EXPH5: variants seen among roughly 807,000 people sequenced by gnomAD.
EXPH5 encodes exophilin 5.
A neutral mutation model predicts 41.1 loss-of-function variants in EXPH5; 42 were observed. That is an observed-to-expected ratio of 1.02 (90% CI 0.80 to 1.32). EXPH5 has a LOEUF of 1.32. EXPH5 is among the 40% of genes most tolerant of loss of function. EXPH5 has a pLI of 0.00. For missense variants in EXPH5, 2,298 were observed against 2,314.5 expected (o/e 0.99, Z 0.15); for synonymous variants, 798 against 833.5 (o/e 0.96, Z 0.73).
chr11:108,587,629 C>A (rs2094117123), intron 1 of EXPH5, among the ~76,000 whole-genome samples: 2 of 152,170 alleles, frequency 1.3e-5, no homozygotes, highest in Non-Finnish European at 2.9e-5. Flanking sequence ...TTTACCCTTA[C>A]AAGTTATTTA....
Position 108,511,938 on chromosome 11 carries a change from T to A in EXPH5, c.3569A>T (p.Glu1190Val). Residue 1190 changes from glutamate (E) to valine (V), a missense_variant, in exon 6 of 6, where the codon GAG (glutamate) becomes GTG (valine). Coordinates refer to ENST00000265843, the MANE Select transcript of EXPH5 (RefSeq NM_015065.3). ...HQKENFQEYTEKEGKMAASRR... is the reference protein window; with the variant it reads ...HQKENFQEYTVKEGKMAASRR... ...GGAGGCAGCCATTTTACCCTCTTTC[T>A]CAGTGTATTCTTGGAAGTTTTCCTT... 1 of 1,600,786 alleles carries A rather than the reference T, an allele frequency of 6.2e-7. No individual in the cohort carries two copies. Among genetic ancestry groups the A allele is most frequent in the South Asian group, 1.1e-5 (1 of 88,126 alleles).
At chr11:108,545,147 C>A (rs1197665843) in intron 1 of EXPH5, among the ~76,000 whole-genome samples, 1 of 152,144 alleles carries the variant, frequency 6.6e-6, no homozygotes, top group African/African-American at 2.4e-5. Flanking sequence ...GGCATGGTGG[C>A]TCACACCAGT....
At chr11:108,570,401 C>A (rs1301087474) in intron 1 of EXPH5, among the ~76,000 whole-genome samples, 1 of 152,070 alleles carries the variant, frequency 6.6e-6, no homozygotes, top group Non-Finnish European at 1.5e-5. Flanking sequence ...ATCACAGGCA[C>A]ATGCCACCAT....
chr11:108,532,120 A>G (rs1476228316), intron 3 of EXPH5, among the ~76,000 whole-genome samples: 1 of 150,742 alleles, frequency 6.6e-6, no homozygotes, highest in Admixed American at 6.6e-5. Context: ...AAAGCCCTGT[A>G]TGATCTAGTT....
In EXPH5 at chr11:108,512,548, T is replaced by G. The variant is rs1408764544; in HGVS notation, c.2959A>C (p.Ser987Arg). The G allele has an allele frequency of 6.2e-7, 1 of 1,612,190 alleles. No individual in the cohort carries two copies. Among genetic ancestry groups the G allele is most frequent in the Non-Finnish European group, 8.5e-7 (1 of 1,179,630 alleles). Residue 987 changes from serine to arginine, a missense_variant, in exon 6 of 6, where the codon AGC becomes CGC. Physicochemically the swap from Ser to Arg is moderately radical, Grantham distance 110 (BLOSUM62 -1). Coordinates refer to ENST00000265843, the MANE Select transcript of EXPH5 (RefSeq NM_015065.3). ...GGTACTGATATACTTTCTGTTTTGC[T>G]TAACTTTTCAATACAGGATATATGA... The part of the protein sequence containing the change: ...RHHISCIEKL[S>R]KTESISVPTS...
intron 1 of EXPH5, among the ~76,000 whole-genome samples, chr11:108,554,357 C>A (rs2093981324): frequency 6.6e-6 from 1 of 152,130 alleles, no homozygotes; most frequent in African/African-American, 2.4e-5. Flanking sequence ...GCCCAGCCGC[C>A]CTGAACTTTA....
rs373691772 is a variant in EXPH5 at position 108,509,771 on chromosome 11, T to G, written c.5736A>C (p.Lys1912Asn). Reference protein sequence around the residue: ...KRSLTQGRLWKPSFLKNPGFL... With the variant: ...KRSLTQGRLWNPSFLKNPGFL... Reference sequence around the variant, plus strand: ...AGCCAGGGTTCTTAAGAAAACTTGGTTTCCATAATCTTCCTTGTGTAAGTG... The same window carrying G: ...AGCCAGGGTTCTTAAGAAAACTTGGGTTCCATAATCTTCCTTGTGTAAGTG... Residue 1912 changes from lysine to asparagine, a missense_variant, in exon 6 of 6, where the codon AAA (lysine) becomes AAC (asparagine). Lys to Asn is a moderately conservative substitution (Grantham distance 94). Transcript: ENST00000265843. 6.2e-7 allele frequency: 1 copy of G among 1,607,352 alleles called. No homozygotes were observed. The highest frequency in any genetic ancestry group is 1.3e-5 in the African/African-American group (1 of 74,348).
intron 1 of EXPH5, among the ~76,000 whole-genome samples, chr11:108,576,409 AG>A (rs1478867228): frequency 6.6e-6 from 1 of 152,148 alleles, no homozygotes; most frequent in Non-Finnish European, 1.5e-5. Flanking sequence ...GGGAATGAAG[AG>A]TAACTGTTTA....
At chr11:108,534,011 T>C (rs1284369445) in intron 3 of EXPH5, among the ~76,000 whole-genome samples, 5 of 152,136 alleles carry the variant, frequency 3.3e-5, no homozygotes, top group African/African-American at 7.2e-5. Context: ...ACCAGGCTAA[T>C]TTCAAACTCT....
Position 108,507,638 on chromosome 11 carries a change from G to A in EXPH5, c.*1899C>T, listed in dbSNP as rs1426339444. 6.6e-6 allele frequency: 1 copy of A among 152,084 alleles called. No individual in the cohort carries two copies. Among genetic ancestry groups the A allele is most frequent in the Non-Finnish European group, 1.5e-5 (1 of 68,010 alleles). 9.4% of individuals were successfully genotyped at this position (152,084 alleles called of 1,614,324 possible). A position where few individuals can be genotyped will look rare whatever the true frequency, so the allele number is the denominator to read the frequency against. ...GTTAGGAAAGCCAAAATATCAGTGG[G>A]TATCATAAGTGATTTACTCTAGATA... On this transcript the variant is annotated 3_prime_UTR_variant, in exon 6 of 6. Coordinates refer to ENST00000265843, the MANE Select transcript of EXPH5 (RefSeq NM_015065.3).
At chr11:108,584,420 T>C (rs1263249263) in intron 1 of EXPH5, among the ~76,000 whole-genome samples, 1 of 151,856 alleles carries the variant, frequency 6.6e-6, no homozygotes, top group Non-Finnish European at 1.5e-5. Context: ...GGAGGTTGCA[T>C]TGAGCCAAGA....
chr11:108,593,830 CTCCCTCGTCCCCTCCCTCGTCTCGTCCCG>C (rs1238074187), upstream of EXPH5: 29 of 1,281,708 alleles, frequency 2.3e-5, no homozygotes, highest in Middle Eastern at 1.8e-4. Flanking sequence ...CCCTTGTCCC[CTCCCTCGTCCCCTCCCTCGTCTCGTCCCG>C]TCCCTCGTCC....
At position 108,593,661 on chromosome 11, in the gene EXPH5, T is replaced by C. The variant is rs139303787; in HGVS notation, c.-125A>G. ...ACAGCCAATAATAAGTCCGCCCCTT[T>C]GAAAGTCTAAAACCACAAACCTAGG... On this transcript the variant is annotated 5_prime_UTR_variant, in exon 1 of 6. Transcript: ENST00000265843. 5.0e-5 allele frequency: 78 copies of C among 1,574,858 alleles called. No individual in the cohort carries two copies. In the African/African-American group the frequency reaches 8.5e-4, roughly 17 times the overall value.
Position 108,513,575 on chromosome 11 carries a change from G to C in EXPH5, c.1932C>G (p.Pro644=). Residue 644 remains proline, a synonymous_variant, in exon 6 of 6, where the codon CCC becomes CCG. Coordinates refer to ENST00000265843, the MANE Select transcript of EXPH5 (RefSeq NM_015065.3). The stretch of plus-strand genomic sequence containing the variant: ...AAGTGACTGTGGGATTCTGCAAGTT[G>C]GGACTCTGAGGATTCCTTCTGTCAT... ...ISDDRRNPQS[P]NLQNPTVTLQ... is the part of the protein sequence containing the mutation. 1 of 1,614,100 alleles carries C rather than the reference G, an allele frequency of 6.2e-7. No homozygotes were observed. Among genetic ancestry groups the C allele is most frequent in the Non-Finnish European group, 8.5e-7 (1 of 1,180,026 alleles).
intron 1 of EXPH5, among the ~76,000 whole-genome samples, chr11:108,561,602 A>C (rs539303955): frequency 1.3e-5 from 2 of 152,236 alleles, no homozygotes; most frequent in Admixed American, 6.5e-5. Flanking sequence ...CATTTTTTGC[A>C]TTCCTACCCT....
At chr11:108,538,628 A>G (rs1257291720) in intron 3 of EXPH5, among the ~76,000 whole-genome samples, 1 of 152,052 alleles carries the variant, frequency 6.6e-6, no homozygotes, top group Non-Finnish European at 1.5e-5. Context: ...AACTCTCCTT[A>G]TGACCAGGAC....
chr11:108,557,643 T>A (rs913043793), intron 1 of EXPH5, among the ~76,000 whole-genome samples: 15 of 151,910 alleles, frequency 9.9e-5, no homozygotes, highest in African/African-American at 3.4e-4. Context: ...CCACTGCGCC[T>A]GGCCCTGGTT....
At chr11:108,567,016 T>C (rs1163738395) in intron 1 of EXPH5, among the ~76,000 whole-genome samples, 2 of 152,264 alleles carry the variant, frequency 1.3e-5, no homozygotes, top group Non-Finnish European at 2.9e-5. Flanking sequence ...AGAAATGATT[T>C]CATGCCTCTC....
intron 1 of EXPH5, among the ~76,000 whole-genome samples, chr11:108,551,662 G>A (rs4278482): frequency 0.36 from 54,130 of 151,748 alleles, 10,600 homozygotes; most frequent in African/African-American, 0.54. Context: ...CCCAATCTCT[G>A]TCAACCCTCC....
Sources: allele counts gnomAD v4.1 joint callset (sites outside exome capture counted in the v4.1 genomes callset), GRCh38; gene constraint gnomAD v4.1.1; transcripts MANE v1.5; gene names NCBI Gene and HGNC (gene_info 2026-07-23, HGNC 2026-07-21).